Variants in CTNNA3 observed in about 807,000 individuals in gnomAD.
The protein encoded by CTNNA3 is catenin alpha 3.
A neutral mutation model predicts 95.7 loss-of-function variants in CTNNA3; 76 were observed. The observed-to-expected ratio is 0.79, with a 90% CI of 0.66 to 0.96. The LOEUF (loss-of-function observed/expected upper bound fraction) is 0.96. Among genes scored for constraint, CTNNA3 ranks in the 40% least tolerant of loss-of-function variants. The pLI is 0.00. For missense variants in CTNNA3, 1,191 were observed against 1,089.8 expected, an observed-to-expected ratio of 1.09 and a Z score of -1.31; for synonymous variants, 431 against 374.4, an observed-to-expected ratio of 1.15 and a Z score of -1.74.
intron 13 of CTNNA3, among the ~76,000 whole-genome samples, chr10:66,189,484 T>C (rs2086534980): frequency 6.6e-6 from 1 of 151,706 alleles, no homozygotes; most frequent in Non-Finnish European, 1.5e-5. Context: ...TTGGCTCCAC[T>C]GTTGAAAATG....
intron 7 of CTNNA3, among the ~76,000 whole-genome samples, chr10:66,906,038 A>G (rs1426408599): frequency 6.6e-6 from 1 of 152,206 alleles, no homozygotes; most frequent in Admixed American, 6.5e-5. Context: ...TCCAGCTAAT[A>G]AATGAAAAAG....
In CTNNA3 at chr10:67,349,273, T is replaced by C. The variant is rs557973041; in HGVS notation, c.580-129403A>G. On this transcript the variant is annotated intron_variant, in intron 5 of 17. Transcript: ENST00000433211. ...CATTCCCAGGTTCATTGCAGCACTA[T>C]CTACAATAGCTAAAATGTGGAAACA... Among the ~76,000 whole-genome samples the C allele has an allele frequency of 1.1e-4, 17 of 152,264 alleles. No homozygotes were observed. The East Asian group carries it at 2.9e-3, about 26-fold the overall frequency.
At chr10:66,319,525 C>A (rs1335822668) in intron 12 of CTNNA3, among the ~76,000 whole-genome samples, 1 of 152,104 alleles carries the variant, frequency 6.6e-6, no homozygotes, top group African/African-American at 2.4e-5. Context: ...TTGTTTGCAA[C>A]ACTTTGCCTT....
chr10:66,825,744 C>T (rs6480223), intron 7 of CTNNA3, among the ~76,000 whole-genome samples: 134,347 of 152,046 alleles, frequency 0.88, 59,689 homozygotes, highest in African/African-American at 0.97. Flanking sequence ...TGCCTCTGTT[C>T]GGGTCAAAGA....
chr10:66,930,893 T>C (rs6480241), intron 7 of CTNNA3, among the ~76,000 whole-genome samples: 53,289 of 151,906 alleles, frequency 0.35, 10,083 homozygotes, highest in East Asian at 0.47. Context: ...GTTCTTTCTT[T>C]CTCCTCACTC....
intron 9 of CTNNA3, among the ~76,000 whole-genome samples, chr10:66,658,109 T>C (rs1219690589): frequency 6.6e-6 from 1 of 152,144 alleles, no homozygotes; most frequent in Non-Finnish European, 1.5e-5. Flanking sequence ...TTGTTTTGGT[T>C]GTTATTGTTT....
At chr10:67,504,010 A>ATTG (rs1168834272) in intron 5 of CTNNA3, among the ~76,000 whole-genome samples, 2 of 149,204 alleles carry the variant, frequency 1.3e-5, no homozygotes, top group Non-Finnish European at 1.5e-5. Flanking sequence ...ACAAAAAATC[A>ATTG]GCTGGGCATG....
At chr10:67,653,370 G>A (rs188627883) in intron 1 of CTNNA3, among the ~76,000 whole-genome samples, 2 of 152,164 alleles carry the variant, frequency 1.3e-5, no homozygotes, top group East Asian at 1.9e-4. Flanking sequence ...AACTTGGGTG[G>A]GGACAAATAT....
At chr10:66,232,570 A>T (rs1051785483) in intron 13 of CTNNA3, among the ~76,000 whole-genome samples, 1 of 152,168 alleles carries the variant, frequency 6.6e-6, no homozygotes, top group South Asian at 2.1e-4. Flanking sequence ...TTAAAAAATA[A>T]TTTTAAAATT....
intron 7 of CTNNA3, among the ~76,000 whole-genome samples, chr10:67,069,022 C>T (rs989800599): frequency 8.6e-5 from 13 of 151,014 alleles, no homozygotes; most frequent in South Asian, 8.4e-4. Context: ...CCACTGAACT[C>T]CACTCTGGGC....
At chr10:66,012,284 T>C (rs1426281328) in intron 15 of CTNNA3, among the ~76,000 whole-genome samples, 1 of 152,184 alleles carries the variant, frequency 6.6e-6, no homozygotes, top group East Asian at 1.9e-4. Flanking sequence ...AACTGGGTCA[T>C]ATGATAAAAT....
chr10:66,378,070 C>A (rs772199302), intron 12 of CTNNA3, among the ~76,000 whole-genome samples: 2 of 152,068 alleles, frequency 1.3e-5, no homozygotes, highest in Non-Finnish European at 2.9e-5. Flanking sequence ...CAAAACTGAT[C>A]ATCAATTCCC....
chr10:66,320,481 C>G (rs1427624469), intron 12 of CTNNA3, among the ~76,000 whole-genome samples: 1 of 152,084 alleles, frequency 6.6e-6, no homozygotes, highest in African/African-American at 2.4e-5. Context: ...GTGAATCTTA[C>G]AAATTCTTGC....
At chr10:66,992,914 C>T (rs533539569) in intron 7 of CTNNA3, among the ~76,000 whole-genome samples, 6 of 152,040 alleles carry the variant, frequency 3.9e-5, no homozygotes, top group East Asian at 1.9e-4. Flanking sequence ...TTTTGTATCC[C>T]GGTACTATTA....
intron 6 of CTNNA3, among the ~76,000 whole-genome samples, chr10:67,186,154 G>A (rs1375526293): frequency 1.3e-5 from 2 of 152,160 alleles, no homozygotes; most frequent in African/African-American, 2.4e-5. Flanking sequence ...GTAATTAGAA[G>A]ATGTGATAGA....
At chr10:66,123,341 G>C (rs1372292395) in intron 13 of CTNNA3, among the ~76,000 whole-genome samples, 1 of 152,086 alleles carries the variant, frequency 6.6e-6, no homozygotes, top group Non-Finnish European at 1.5e-5. Flanking sequence ...TCCATGTCTC[G>C]CATCCGGGTC....
At chr10:66,771,882 T>C (rs1840099412) in intron 8 of CTNNA3, among the ~76,000 whole-genome samples, 1 of 152,144 alleles carries the variant, frequency 6.6e-6, no homozygotes, top group South Asian at 2.1e-4. Context: ...TGCTGTAATA[T>C]GCACATGCTG....
chr10:67,669,446 A>G (rs1354090256), intron 1 of CTNNA3, among the ~76,000 whole-genome samples: 1 of 152,324 alleles, frequency 6.6e-6, no homozygotes, highest in East Asian at 1.9e-4. Context: ...AAACAAGTAC[A>G]GTGAAGAATA....
intron 7 of CTNNA3, among the ~76,000 whole-genome samples, chr10:66,978,704 T>C (rs917857329): frequency 6.7e-6 from 1 of 149,796 alleles, no homozygotes; most frequent in African/African-American, 2.4e-5. Context: ...ATTCATAAAG[T>C]TCCAGTGAAT....
Sources: allele counts gnomAD v4.1 joint callset (sites outside exome capture counted in the v4.1 genomes callset), GRCh38; gene constraint gnomAD v4.1.1; transcripts MANE v1.5; gene names NCBI Gene and HGNC (gene_info 2026-07-23, HGNC 2026-07-21).